SLC4A10: variants seen among roughly 807,000 people sequenced by gnomAD.
SLC4A10 encodes the protein solute carrier family 4 member 10, also known as sodium-driven chloride bicarbonate exchanger.
A neutral mutation model predicts 137.7 loss-of-function variants in SLC4A10; 42 were observed. The observed-to-expected ratio is 0.30, with a 90% CI of 0.24 to 0.39. SLC4A10 has a LOEUF of 0.39. SLC4A10 is among the 10% of genes least tolerant of loss of function. The pLI is 1.00. For synonymous variants in SLC4A10, 474 were observed against 464.1 expected, an observed-to-expected ratio of 1.02 and a Z score of -0.27; for missense variants, 925 against 1,355.0, an observed-to-expected ratio of 0.68 and a Z score of 4.98.
intron 1 of SLC4A10, among the ~76,000 whole-genome samples, chr2:161,749,467 G>A (rs961431702): frequency 1.3e-5 from 2 of 151,920 alleles, no homozygotes; most frequent in Non-Finnish European, 2.9e-5. Flanking sequence ...ATCATAAAAA[G>A]GATGTTGATT....
intron 15 of SLC4A10, among the ~76,000 whole-genome samples, chr2:161,936,255 G>A (rs1275482343): frequency 1.3e-5 from 2 of 152,064 alleles, no homozygotes; most frequent in Admixed American, 1.3e-4. Flanking sequence ...TTCTTGTAAT[G>A]TTCTTGTCTG....
At position 161,947,740 on chromosome 2, in the gene SLC4A10, T is replaced by C. The variant is rs1395955583; in HGVS notation, c.2265+13T>C. Reference sequence around the variant, plus strand: ...TTTTCCAACCAAGGTACTTAGACTATTTCTTGATCTAAATGTAAAATAACA... The same window carrying C: ...TTTTCCAACCAAGGTACTTAGACTACTTCTTGATCTAAATGTAAAATAACA... On this transcript the variant is annotated intron_variant, in intron 17 of 26. Coordinates refer to ENST00000446997, the MANE Select transcript of SLC4A10 (RefSeq NM_001178015.2). 1.2e-6 allele frequency: 2 copies of C among 1,606,214 alleles called. No homozygotes were observed. Among genetic ancestry groups the C allele is most frequent in the Admixed American group, 3.4e-5 (2 of 58,488 alleles).
At chr2:161,823,383 A>C (rs1177003390) in intron 3 of SLC4A10, among the ~76,000 whole-genome samples, 1 of 152,234 alleles carries the variant, frequency 6.6e-6, no homozygotes, top group Non-Finnish European at 1.5e-5. Flanking sequence ...CACTTAAAAC[A>C]CCTTGTGATG....
At chr2:161,632,558 G>A (rs2033752124) in intron 1 of SLC4A10, among the ~76,000 whole-genome samples, 1 of 151,516 alleles carries the variant, frequency 6.6e-6, no homozygotes, top group African/African-American at 2.4e-5. Context: ...TTAAAAACAT[G>A]TCATATATAA....
At chr2:161,877,173 C>T (rs549155078) in intron 8 of SLC4A10, among the ~76,000 whole-genome samples, 17 of 151,858 alleles carry the variant, frequency 1.1e-4, no homozygotes, top group East Asian at 3.9e-4. Flanking sequence ...ACCAGTTGCC[C>T]GAGGCACAGA....
chr2:161,686,676 A>G (rs2124878646), intron 1 of SLC4A10, among the ~76,000 whole-genome samples: 2 of 152,288 alleles, frequency 1.3e-5, no homozygotes, highest in South Asian at 4.1e-4. Flanking sequence ...ATTAATATGT[A>G]TGCCTTTATA....
intron 2 of SLC4A10, among the ~76,000 whole-genome samples, chr2:161,790,840 A>T (rs751471080): frequency 3.9e-5 from 6 of 152,212 alleles, no homozygotes; most frequent in Non-Finnish European, 5.9e-5. Context: ...AAAAGAAGAC[A>T]TACATGCGGC....
intron 1 of SLC4A10, among the ~76,000 whole-genome samples, chr2:161,669,346 T>C (rs1301924398): frequency 1.3e-5 from 2 of 151,738 alleles, no homozygotes; most frequent in Non-Finnish European, 3.0e-5. Flanking sequence ...TTCATTTATT[T>C]AAGGATTTAT....
At position 161,964,231 on chromosome 2, in the gene SLC4A10, A is replaced by T. The variant is rs762401842; in HGVS notation, c.2959A>T (p.Thr987Ser). The T allele has an allele frequency of 3.7e-6, 6 of 1,613,634 alleles. No homozygotes were observed. The highest frequency in any genetic ancestry group is 5.1e-6 in the Non-Finnish European group (6 of 1,179,666). The change falls in exon 22 of 27, where the codon ACA (threonine) becomes TCA (serine). Residue 987 changes from threonine (T) to serine (S), a missense_variant. Transcript: ENST00000446997. ...HVPLRKVHLF[T>S]IIQMSCLGLL... The stretch of plus-strand genomic sequence containing the variant: ...ACCGCTTCGAAAAGTGCATCTCTTC[A>T]CAATTATTCAGATGAGTTGCCTTGG...
chr2:161,704,592 G>C (rs563286929), intron 1 of SLC4A10, among the ~76,000 whole-genome samples: 1 of 151,632 alleles, frequency 6.6e-6, no homozygotes, highest in East Asian at 1.9e-4. Flanking sequence ...CATATTGGGA[G>C]CCATCTTTAA....
chr2:161,879,011 T>A, intron 8 of SLC4A10, 120 bp from the exon 9 acceptor site: 2 of 795,838 alleles, frequency 2.5e-6, no homozygotes, highest in Non-Finnish European at 3.7e-6. Flanking sequence ...TGTTTAACTG[T>A]GTGTATTTAT....
chr2:161,734,414 C>T (rs1157769859), intron 1 of SLC4A10, among the ~76,000 whole-genome samples: 1 of 152,108 alleles, frequency 6.6e-6, no homozygotes, highest in African/African-American at 2.4e-5. Flanking sequence ...CTCATTTTTT[C>T]TTGCCACTGC....
chr2:161,753,056 A>G (rs2049163778), intron 1 of SLC4A10, among the ~76,000 whole-genome samples: 2 of 152,188 alleles, frequency 1.3e-5, no homozygotes, highest in Non-Finnish European at 2.9e-5. Flanking sequence ...AAATAAAATT[A>G]GCATCAAAAA....
chr2:161,887,918 T>C (rs1225663221), intron 10 of SLC4A10, among the ~76,000 whole-genome samples: 1 of 152,194 alleles, frequency 6.6e-6, no homozygotes, highest in East Asian at 1.9e-4. Context: ...GGTTTTCTTC[T>C]AGGGTTTTTA....
rs184075753 is a variant in SLC4A10 at position 161,899,672 on chromosome 2, A to G, written c.1342-1239A>G. Among the ~76,000 whole-genome samples the G allele has an allele frequency of 2.6e-5, 4 of 152,236 alleles. No individual in the cohort carries two copies. In the East Asian group the frequency reaches 7.7e-4, roughly 29 times the overall value. ...GTATTTTCCCAGAAGACCACATAATAATGCTTGCTTTCTGAGACCTGTGAA... is the reference window on the plus strand; with the variant it reads ...GTATTTTCCCAGAAGACCACATAATGATGCTTGCTTTCTGAGACCTGTGAA... On this transcript the variant is annotated intron_variant, in intron 11 of 26. Coordinates refer to ENST00000446997, the MANE Select transcript of SLC4A10 (RefSeq NM_001178015.2).
intron 16 of SLC4A10, among the ~76,000 whole-genome samples, chr2:161,945,925 G>C (rs1383301267): frequency 6.6e-6 from 1 of 151,856 alleles, no homozygotes; most frequent in African/African-American, 2.4e-5. Flanking sequence ...CAAATTTATA[G>C]ATAATGTGTT....
At chr2:161,977,841 A>G (rs532458492) in intron 26 of SLC4A10, 81 bp downstream of exon 26, 34 of 1,345,682 alleles carry the variant, frequency 2.5e-5, no homozygotes, top group East Asian at 1.5e-4. Flanking sequence ...TGGTCAGTCT[A>G]TGTCCTCTGT....
chr2:161,925,510 A>T (rs1465673256), intron 15 of SLC4A10, among the ~76,000 whole-genome samples: 1 of 152,042 alleles, frequency 6.6e-6, no homozygotes, highest in Non-Finnish European at 1.5e-5. Context: ...CAGCTCCTGG[A>T]TTCATTAACT....
At chr2:161,676,912 C>A (rs1014382431) in intron 1 of SLC4A10, among the ~76,000 whole-genome samples, 1 of 152,056 alleles carries the variant, frequency 6.6e-6, no homozygotes, top group African/African-American at 2.4e-5. Flanking sequence ...CACCTCTTAG[C>A]CTATTAAAGC....
Sources: gnomAD v4.1 joint callset for allele counts (sites outside exome capture counted in the v4.1 genomes callset) on GRCh38, gnomAD v4.1.1 for gene constraint, MANE v1.5 for transcripts, NCBI Gene and HGNC (gene_info 2026-07-23, HGNC 2026-07-21) for gene names.